The following GPC5 variants were observed in gnomAD, a reference collection of about 807,000 sequenced individuals.
GPC5 encodes the protein glypican-5.
A neutral mutation model predicts 53.9 loss-of-function variants in GPC5; 47 were observed. That is an observed-to-expected ratio of 0.87 (90% CI 0.69 to 1.11). The LOEUF is 1.11. GPC5 is among the 50% of genes most tolerant of loss of function. The pLI is 0.00. For synonymous variants in GPC5, 286 were observed against 263.3 expected, an observed-to-expected ratio of 1.09 and a Z score of -0.84; for missense variants, 748 against 713.1, an observed-to-expected ratio of 1.05 and a Z score of -0.56.
intron 4 of GPC5, among the ~76,000 whole-genome samples, chr13:91,754,059 T>C (rs2037236454): frequency 6.6e-6 from 1 of 152,182 alleles, no homozygotes; most frequent in Admixed American, 6.6e-5. Context: ...CTAGGTTAAA[T>C]CCTTTCAGAA....
At chr13:92,147,817 G>A (rs777126495) in intron 7 of GPC5, among the ~76,000 whole-genome samples, 1 of 152,036 alleles carries the variant, frequency 6.6e-6, no homozygotes, top group Non-Finnish European at 1.5e-5. Context: ...AAACCACTGC[G>A]GGATAGCATG....
intron 7 of GPC5, among the ~76,000 whole-genome samples, chr13:92,302,474 TA>T (rs530956836): frequency 1.3e-5 from 2 of 152,092 alleles, no homozygotes; most frequent in African/African-American, 4.8e-5. Context: ...AGACCGAGAA[TA>T]AAAAAAATTG....
At chr13:92,728,372 G>T (rs953011497) in intron 7 of GPC5, among the ~76,000 whole-genome samples, 1 of 151,362 alleles carries the variant, frequency 6.6e-6, no homozygotes, top group Non-Finnish European at 1.5e-5. Context: ...AGTCTTGAAT[G>T]TATAGGGATA....
intron 2 of GPC5, among the ~76,000 whole-genome samples, chr13:91,478,246 A>G (rs891893750): frequency 6.6e-6 from 1 of 152,198 alleles, no homozygotes; most frequent in Admixed American, 6.5e-5. Context: ...TAAAATGAAA[A>G]GAAATGTACA....
intron 7 of GPC5, among the ~76,000 whole-genome samples, chr13:92,315,132 A>C (rs151073012): frequency 1.3e-5 from 2 of 152,306 alleles, no homozygotes; most frequent in African/African-American, 4.8e-5. Flanking sequence ...TGACATAATT[A>C]GATAAGGTTT....
intron 7 of GPC5, among the ~76,000 whole-genome samples, chr13:92,532,088 C>A (rs1881584768): frequency 6.6e-6 from 1 of 152,084 alleles, no homozygotes; most frequent in Non-Finnish European, 1.5e-5. Context: ...CTCCAGCCTG[C>A]AAATAAAAAT....
chr13:91,504,841 C>T (rs939871469), intron 2 of GPC5, among the ~76,000 whole-genome samples: 1 of 152,040 alleles, frequency 6.6e-6, no homozygotes, highest in African/African-American at 2.4e-5. Flanking sequence ...GTAGTCCCAA[C>T]TACTTGGGAG....
At chr13:92,053,710 T>A (rs1029596172) in intron 6 of GPC5, among the ~76,000 whole-genome samples, 1 of 152,172 alleles carries the variant, frequency 6.6e-6, no homozygotes, top group South Asian at 2.1e-4. Context: ...TACTTTGATA[T>A]GTGTTCATTG....
intron 7 of GPC5, among the ~76,000 whole-genome samples, chr13:92,432,714 A>G (rs1437305121): frequency 6.6e-6 from 1 of 151,912 alleles, no homozygotes; most frequent in Admixed American, 6.6e-5. Context: ...CCTAGTGTTT[A>G]CTTTTTTTAA....
intron 7 of GPC5, among the ~76,000 whole-genome samples, chr13:92,858,878 T>C (rs1310222851): frequency 1.3e-5 from 2 of 152,194 alleles, no homozygotes; most frequent in Non-Finnish European, 2.9e-5. Context: ...TTGAAAGTAC[T>C]CATTTCTTCT....
At chr13:91,434,152 G>A (rs1349371834) in intron 1 of GPC5, among the ~76,000 whole-genome samples, 2 of 152,174 alleles carry the variant, frequency 1.3e-5, no homozygotes, top group African/African-American at 4.8e-5. Context: ...TCTGTAGGTT[G>A]CCTGTTCAGG....
intron 7 of GPC5, among the ~76,000 whole-genome samples, chr13:92,727,162 C>A (rs1402877385): frequency 1.3e-5 from 2 of 151,456 alleles, no homozygotes; most frequent in Non-Finnish European, 3.0e-5. Context: ...TTATGTCAAC[C>A]ACGCTAAGAT....
At chr13:91,425,294 C>T (rs561927798) in intron 1 of GPC5, among the ~76,000 whole-genome samples, 5 of 152,084 alleles carry the variant, frequency 3.3e-5, no homozygotes, top group Non-Finnish European at 7.3e-5. Flanking sequence ...CAGGTGGTCT[C>T]CTATTTCATA....
chr13:92,005,751 A>C (rs141702215), intron 6 of GPC5, among the ~76,000 whole-genome samples: 1 of 152,240 alleles, frequency 6.6e-6, no homozygotes, highest in East Asian at 1.9e-4. Flanking sequence ...TTAGTGATCA[A>C]CAAATATCTG....
At chr13:92,574,335 T>C (rs969163658) in intron 7 of GPC5, among the ~76,000 whole-genome samples, 1 of 152,172 alleles carries the variant, frequency 6.6e-6, no homozygotes, top group African/African-American at 2.4e-5. Flanking sequence ...AACAACCCTA[T>C]TTCTTGGACA....
intron 6 of GPC5, among the ~76,000 whole-genome samples, chr13:92,140,269 G>A (rs1472002408): frequency 9.2e-5 from 14 of 152,198 alleles, no homozygotes; most frequent in Admixed American, 6.5e-4. Flanking sequence ...TTCTGCAGTA[G>A]AAGCTGGGTA....
At chr13:91,489,968 C>T (rs74576969) in intron 2 of GPC5, among the ~76,000 whole-genome samples, 3,090 of 152,176 alleles carry the variant, frequency 0.02, 93 homozygotes, top group African/African-American at 0.068. Flanking sequence ...AAGAAAAAGG[C>T]GGAGGGGGGA....
At chr13:92,421,917 T>C (rs1170083436) in intron 7 of GPC5, among the ~76,000 whole-genome samples, 1 of 151,910 alleles carries the variant, frequency 6.6e-6, no homozygotes, top group Non-Finnish European at 1.5e-5. Flanking sequence ...CTGTCTCTCT[T>C]TGGTCCAGCT....
chr13:91,412,813 A>G (rs1231567943), intron 1 of GPC5, among the ~76,000 whole-genome samples: 1 of 152,240 alleles, frequency 6.6e-6, no homozygotes, highest in East Asian at 1.9e-4. Flanking sequence ...CAAAGTTTAA[A>G]TGCTGAATAC....
Sources: gnomAD v4.1 joint callset for allele counts (sites outside exome capture counted in the v4.1 genomes callset) on GRCh38, gnomAD v4.1.1 for gene constraint, MANE v1.5 for transcripts, NCBI Gene and HGNC (gene_info 2026-07-23, HGNC 2026-07-21) for gene names.